The following LAMA2 variants were observed in gnomAD, a reference collection of about 807,000 sequenced individuals.
LAMA2 encodes laminin subunit alpha-2.
Under a neutral mutation model 364.8 loss-of-function variants are expected in LAMA2, and 269 were observed. The observed-to-expected ratio is 0.74, with a 90% CI of 0.67 to 0.82. The LOEUF (loss-of-function observed/expected upper bound fraction) is 0.82. Among genes scored for constraint, LAMA2 ranks in the 40% least tolerant of loss-of-function variants. LAMA2 has a pLI of 0.00. For synonymous variants in LAMA2, 1,379 were observed against 1,370.6 expected, an observed-to-expected ratio of 1.01 and a Z score of -0.14; for missense variants, 3,807 against 3,873.2, an observed-to-expected ratio of 0.98 and a Z score of 0.45.
Position 129,158,074 on chromosome 6 carries a change from A to C in LAMA2, c.1206+3391A>C, listed in dbSNP as rs562957399. The stretch of plus-strand genomic sequence containing the variant: ...ATTGCGGGCTTTCCTTGGGTGCCAT[A>C]CGTTTCTGTGTGCAGGTGGCACAGA... On this transcript the variant is annotated intron_variant, in intron 8 of 64. Coordinates refer to ENST00000421865, the MANE Select transcript of LAMA2 (RefSeq NM_000426.4). 2.5e-6 allele frequency: 4 copies of C among 1,612,228 alleles called. No individual in the cohort carries two copies. In the East Asian group the frequency reaches 8.9e-5, roughly 36 times the overall value.
intron 4 of LAMA2, among the ~76,000 whole-genome samples, chr6:129,129,521 AGACCACTGTTAG>A (rs1777323907): frequency 6.6e-6 from 1 of 152,240 alleles, no homozygotes; most frequent in South Asian, 2.1e-4. Context: ...TTTCTCAAAT[AGACCACTGTTAG>A]GAAGTAGGGA....
intron 1 of LAMA2, among the ~76,000 whole-genome samples, chr6:128,968,839 C>A (rs952882588): frequency 6.6e-6 from 1 of 152,104 alleles, no homozygotes; most frequent in African/African-American, 2.4e-5. Flanking sequence ...GGAGTCAGAT[C>A]ACGTGGGACC....
chr6:129,250,815 T>TA (rs1786127019), intron 13 of LAMA2, among the ~76,000 whole-genome samples: 1 of 152,080 alleles, frequency 6.6e-6, no homozygotes, highest in African/African-American at 2.4e-5. Flanking sequence ...TTGACACTGA[T>TA]ACGTATTCAG....
intron 2 of LAMA2, among the ~76,000 whole-genome samples, chr6:129,054,446 G>A (rs1788322828): frequency 6.6e-6 from 1 of 152,112 alleles, no homozygotes; most frequent in Admixed American, 6.6e-5. Context: ...TCAGGGACTG[G>A]TGGCCTTGAA....
rs551446436 is a variant in LAMA2 at position 129,259,335 on chromosome 6, A to G, written c.2097-1376A>G. ...TCTAACAAGTTATTTGGTAATTGTG[A>G]ATCACTGATCAACAAAAATCTACCA... On this transcript the variant is annotated intron_variant, in intron 14 of 64. Transcript: ENST00000421865. Among the ~76,000 whole-genome samples, 6 of 152,218 alleles carry G rather than the reference A, an allele frequency of 3.9e-5. No individual in the cohort carries two copies. The East Asian group carries it at 1.2e-3, about 29-fold the overall frequency.
intron 58 of LAMA2, among the ~76,000 whole-genome samples, chr6:129,500,039 G>T (rs553607575): frequency 1.3e-5 from 2 of 151,888 alleles, no homozygotes; most frequent in Non-Finnish European, 2.9e-5. Flanking sequence ...AAAAACATGA[G>T]CCACCACGCC....
chr6:129,507,626 C>A lies in LAMA2; in HGVS notation c.8841C>A (p.Thr2947=), dbSNP rs571590357. 8 of 1,613,996 alleles carry A rather than the reference C, an allele frequency of 5.0e-6. No homozygotes were observed. Among genetic ancestry groups the A allele is most frequent in the African/African-American group, 1.3e-5 (1 of 74,924 alleles). Residue 2947 remains threonine (T), a synonymous_variant, in exon 62 of 65, where the codon ACC becomes ACA. Transcript: ENST00000421865. ...NAQRGTYFDG[T]GFAKAVGGFK... is the part of the protein sequence containing the mutation. ...AGAGGGGAACATATTTTGACGGAACCGGTTTTGCCAAAGCAGGTAAGGCTC... is the reference window on the plus strand; with the variant it reads ...AGAGGGGAACATATTTTGACGGAACAGGTTTTGCCAAAGCAGGTAAGGCTC...
intron 12 of LAMA2, among the ~76,000 whole-genome samples, chr6:129,228,120 C>A (rs1021176776): frequency 6.6e-6 from 1 of 152,188 alleles, no homozygotes; most frequent in African/African-American, 2.4e-5. Flanking sequence ...GGCATGGGAC[C>A]CTCCGAGCCA....
At chr6:129,041,736 C>T (rs1029267798) in intron 1 of LAMA2, among the ~76,000 whole-genome samples, 1 of 152,072 alleles carries the variant, frequency 6.6e-6, no homozygotes, top group Admixed American at 6.5e-5. Context: ...AGCATAGTGG[C>T]TGATGCCTGT....
intron 1 of LAMA2, among the ~76,000 whole-genome samples, chr6:128,910,440 G>A (rs1263198384): frequency 6.6e-6 from 1 of 151,904 alleles, no homozygotes; most frequent in South Asian, 2.1e-4. Flanking sequence ...GGCTCCTGAG[G>A]CTTCTGCATT....
At chr6:129,513,386 T>A (rs1271670763) in intron 63 of LAMA2, among the ~76,000 whole-genome samples, 2 of 152,180 alleles carry the variant, frequency 1.3e-5, no homozygotes, top group African/African-American at 4.8e-5. Flanking sequence ...TTTTACTACA[T>A]CTTTTTCAAG....
chr6:129,431,989 A>G (rs1001677862), intron 41 of LAMA2, among the ~76,000 whole-genome samples: 11 of 152,240 alleles, frequency 7.2e-5, no homozygotes, highest in African/African-American at 2.4e-4. Flanking sequence ...ATGATATAGG[A>G]GTGCAATTGT....
chr6:129,085,660 G>C (rs77907981), intron 3 of LAMA2, among the ~76,000 whole-genome samples: 3 of 152,048 alleles, frequency 2.0e-5, no homozygotes, highest in Non-Finnish European at 4.4e-5. Flanking sequence ...TGAAAAGGAC[G>C]GAGGAGTTCT....
chr6:128,996,017 C>A (rs1783917492), intron 1 of LAMA2, among the ~76,000 whole-genome samples: 1 of 152,090 alleles, frequency 6.6e-6, no homozygotes, highest in African/African-American at 2.4e-5. Flanking sequence ...ACAAAACATA[C>A]AAGGCCTTTG....
chr6:129,383,428 G>A (rs560946481), intron 35 of LAMA2, among the ~76,000 whole-genome samples, 195 bp downstream of exon 35: 4 of 152,268 alleles, frequency 2.6e-5, no homozygotes, highest in East Asian at 1.9e-4. Flanking sequence ...TTAAATTAGC[G>A]ACAATAGTGA....
At chr6:129,117,135 G>C (rs940659390) in intron 4 of LAMA2, among the ~76,000 whole-genome samples, 4 of 152,142 alleles carry the variant, frequency 2.6e-5, no homozygotes, top group African/African-American at 9.7e-5. Flanking sequence ...GCTAGTGTCT[G>C]ACAAAGAAGA....
At chr6:129,258,387 G>A (rs1460179281) in intron 14 of LAMA2, among the ~76,000 whole-genome samples, 2 of 152,050 alleles carry the variant, frequency 1.3e-5, no homozygotes, top group Non-Finnish European at 2.9e-5. Context: ...AATGTGGCAT[G>A]TACATGCAGT....
intron 1 of LAMA2, among the ~76,000 whole-genome samples, chr6:129,016,464 A>G (rs769988414): frequency 1.3e-5 from 2 of 152,064 alleles, no homozygotes; most frequent in Admixed American, 6.6e-5. Context: ...TAAATATTTC[A>G]TAGTATCATA....
chr6:129,062,461 G>A (rs1788988976), intron 3 of LAMA2, among the ~76,000 whole-genome samples: 1 of 152,052 alleles, frequency 6.6e-6, no homozygotes, highest in Non-Finnish European at 1.5e-5. Context: ...GGCTCCAAAT[G>A]TAGTTCAGGT....
Sources: allele counts gnomAD v4.1 joint callset (sites outside exome capture counted in the v4.1 genomes callset), GRCh38; gene constraint gnomAD v4.1.1; transcripts MANE v1.5; gene names NCBI Gene and HGNC (gene_info 2026-07-23, HGNC 2026-07-21).